Variants in XPR1 observed in about 807,000 individuals in gnomAD.
XPR1 encodes the protein solute carrier family 53 member 1.
Under a neutral mutation model 87.5 loss-of-function variants are expected in XPR1, and 28 were observed. The ratio of observed to expected loss-of-function variants is 0.32; its 90% confidence interval spans 0.24 to 0.44. The LOEUF (loss-of-function observed/expected upper bound fraction) is 0.44. Ranked by LOEUF, XPR1 falls within the 20% of genes least tolerant of loss-of-function variation. The pLI is 1.00. For missense variants in XPR1, 559 were observed against 862.3 expected, an observed-to-expected ratio of 0.65 and a Z score of 4.41; for synonymous variants, 300 against 306.1, an observed-to-expected ratio of 0.98 and a Z score of 0.21.
At chr1:180,718,108 A>G (rs191315684) in intron 2 of XPR1, among the ~76,000 whole-genome samples, 1 of 152,254 alleles carries the variant, frequency 6.6e-6, no homozygotes, top group Admixed American at 6.5e-5. Flanking sequence ...TTTATACAGC[A>G]AAAAAAGGTG....
intron 2 of XPR1, among the ~76,000 whole-genome samples, chr1:180,683,959 T>G (rs904593819): frequency 1.6e-4 from 25 of 152,272 alleles, no homozygotes; most frequent in Non-Finnish European, 2.6e-4. Context: ...AGAAGCTCTT[T>G]AGTTTAATTC....
chr1:180,702,969 A>G (rs750330746), intron 2 of XPR1, among the ~76,000 whole-genome samples: 9 of 152,052 alleles, frequency 5.9e-5, no homozygotes, highest in Non-Finnish European at 1.0e-4. Context: ...GCATAACTGT[A>G]GTGTTGATTG....
At chr1:180,653,512 G>A (rs769160025) in intron 1 of XPR1, among the ~76,000 whole-genome samples, 8 of 151,914 alleles carry the variant, frequency 5.3e-5, no homozygotes, top group African/African-American at 4.8e-5. Flanking sequence ...CAATTATTGG[G>A]CAAGGTACAG....
At chr1:180,874,637 C>A (rs1652603276) in intron 13 of XPR1, among the ~76,000 whole-genome samples, 1 of 151,936 alleles carries the variant, frequency 6.6e-6, no homozygotes, top group South Asian at 2.1e-4. Context: ...TTGCAGTGAG[C>A]CAAGACTGCA....
At chr1:180,643,528 T>G (rs976679892) in intron 1 of XPR1, among the ~76,000 whole-genome samples, 2 of 152,180 alleles carry the variant, frequency 1.3e-5, no homozygotes, top group African/African-American at 4.8e-5. Context: ...CACAGTGTGT[T>G]TGTCACATTT....
intron 2 of XPR1, among the ~76,000 whole-genome samples, chr1:180,760,125 G>A (rs1247344255): frequency 6.6e-6 from 1 of 152,082 alleles, no homozygotes; most frequent in Non-Finnish European, 1.5e-5. Context: ...AAAATAATAA[G>A]AGCTATCTAT....
At chr1:180,697,625 GTAGGTTTGGGTATGTTGTGGTTC>G (rs1471524546) in intron 2 of XPR1, among the ~76,000 whole-genome samples, 1 of 152,032 alleles carries the variant, frequency 6.6e-6, no homozygotes, top group East Asian at 1.9e-4. Context: ...ACAGTGTCCT[GTAGGTTTGGGTATGTTGTGGTTC>G]TATTTTCACT....
intron 2 of XPR1, among the ~76,000 whole-genome samples, chr1:180,739,443 C>G (rs941828813): frequency 1.3e-5 from 2 of 151,942 alleles, no homozygotes; most frequent in Non-Finnish European, 2.9e-5. Flanking sequence ...ATTTAGACTC[C>G]GTTTGTCTAT....
At chr1:180,785,718 T>G (rs937380502) in intron 2 of XPR1, among the ~76,000 whole-genome samples, 1 of 151,970 alleles carries the variant, frequency 6.6e-6, no homozygotes, top group African/African-American at 2.4e-5. Flanking sequence ...TTCTATTGCT[T>G]TATGTTAATA....
At chr1:180,675,723 CTT>C (rs1402787889) in intron 1 of XPR1, among the ~76,000 whole-genome samples, 2 of 152,142 alleles carry the variant, frequency 1.3e-5, no homozygotes, top group Admixed American at 6.5e-5. Context: ...TGAGGAAACT[CTT>C]TTAATTTGTT....
At chr1:180,695,110 C>G (rs1395791876) in intron 2 of XPR1, among the ~76,000 whole-genome samples, 2 of 152,060 alleles carry the variant, frequency 1.3e-5, no homozygotes, top group Non-Finnish European at 2.9e-5. Context: ...GTTGATATCT[C>G]ATTGTGGTTT....
At chr1:180,661,084 C>A (rs1416252814) in intron 1 of XPR1, among the ~76,000 whole-genome samples, 4 of 152,036 alleles carry the variant, frequency 2.6e-5, no homozygotes, top group African/African-American at 7.2e-5. Context: ...AATTGACCTT[C>A]TTATTATATA....
At chr1:180,845,562 G>A (rs1002795786) in intron 11 of XPR1, among the ~76,000 whole-genome samples, 1 of 152,184 alleles carries the variant, frequency 6.6e-6, no homozygotes, top group Admixed American at 6.5e-5. Flanking sequence ...TGTCACCCAG[G>A]CTGGAGTGCA....
chr1:180,740,021 T>A (rs867537711), intron 2 of XPR1, among the ~76,000 whole-genome samples: 36 of 152,324 alleles, frequency 2.4e-4, no homozygotes, highest in African/African-American at 6.5e-4. Context: ...CAATTTTTTT[T>A]AAATATATTG....
At chr1:180,878,709 T>C (rs1233549029) in intron 13 of XPR1, among the ~76,000 whole-genome samples, 3 of 152,226 alleles carry the variant, frequency 2.0e-5, no homozygotes, top group Non-Finnish European at 4.4e-5. Context: ...CCCATTTTGC[T>C]AAATCCCCTT....
At chr1:180,731,072 G>A (rs1260407754) in intron 2 of XPR1, among the ~76,000 whole-genome samples, 2 of 151,998 alleles carry the variant, frequency 1.3e-5, no homozygotes, top group African/African-American at 4.8e-5. Flanking sequence ...AATATATTAG[G>A]TTATTCAGAT....
At chr1:180,843,479 G>C (rs1651581954) in intron 11 of XPR1, among the ~76,000 whole-genome samples, 1 of 152,050 alleles carries the variant, frequency 6.6e-6, no homozygotes, top group Non-Finnish European at 1.5e-5. Flanking sequence ...ATTTGCTTAA[G>C]AACTGACGAT....
At chr1:180,742,021 T>C (rs923661494) in intron 2 of XPR1, among the ~76,000 whole-genome samples, 1 of 152,136 alleles carries the variant, frequency 6.6e-6, no homozygotes, top group Non-Finnish European at 1.5e-5. Context: ...GTAATTTGTG[T>C]CTTTTCTTTT....
At chr1:180,671,707 G>T (rs940684239) in intron 1 of XPR1, among the ~76,000 whole-genome samples, 1 of 152,104 alleles carries the variant, frequency 6.6e-6, no homozygotes, top group African/African-American at 2.4e-5. Context: ...TAGAGACAGG[G>T]TCTCACCATG....
Sources: allele counts gnomAD v4.1 joint callset (sites outside exome capture counted in the v4.1 genomes callset), GRCh38; gene constraint gnomAD v4.1.1; transcripts MANE v1.5; gene names NCBI Gene and HGNC (gene_info 2026-07-23, HGNC 2026-07-21).